Variants in CSMD2 observed in about 807,000 individuals in gnomAD.
CSMD2 encodes CUB and sushi domain-containing protein 2.
CSMD2 carries 130 observed loss-of-function variants against 398.5 expected under a neutral mutation model. The ratio of observed to expected loss-of-function variants is 0.33; its 90% CI spans 0.28 to 0.38. The LOEUF is 0.38. CSMD2 is among the 10% of genes least tolerant of loss of function. CSMD2 has a pLI of 1.00. For synonymous variants in CSMD2, 1,828 were observed against 1,908.5 expected (o/e 0.96, Z 1.10); for missense variants, 3,829 against 4,764.9 (o/e 0.80, Z 5.78).
chr1:33,968,978 C>A (rs527444433), intron 3 of CSMD2, among the ~76,000 whole-genome samples: 127 of 152,314 alleles, frequency 8.3e-4, no homozygotes, highest in African/African-American at 3.0e-3. Flanking sequence ...AGTCACATGT[C>A]CCCCTTGGCA....
intron 25 of CSMD2, among the ~76,000 whole-genome samples, chr1:33,664,908 A>G (rs1336405477): frequency 6.6e-6 from 1 of 152,180 alleles, no homozygotes; most frequent in East Asian, 1.9e-4. Context: ...TTATATTCGC[A>G]CTAATCAGTA....
chr1:34,142,289 A>G (rs1639372072), intron 1 of CSMD2, among the ~76,000 whole-genome samples: 4 of 152,124 alleles, frequency 2.6e-5, no homozygotes, highest in Admixed American at 2.0e-4. Flanking sequence ...ACACTCATCC[A>G]GAGATGAACG....
chr1:33,979,133 G>A (rs1391822691), intron 3 of CSMD2, among the ~76,000 whole-genome samples: 2 of 152,118 alleles, frequency 1.3e-5, no homozygotes, highest in Non-Finnish European at 2.9e-5. Flanking sequence ...CTCACCTGCT[G>A]GTTTACTTTG....
intron 10 of CSMD2, among the ~76,000 whole-genome samples, chr1:33,807,005 T>C (rs1570045349): frequency 6.6e-6 from 1 of 151,200 alleles, no homozygotes; most frequent in East Asian, 1.9e-4. Flanking sequence ...TTCAAGAAAC[T>C]TAATTAAACA....
rs184749644 is a variant in CSMD2, at chr1:33,835,996, A to T, written c.1034-10222T>A. Among the ~76,000 whole-genome samples the T allele has an allele frequency of 5.6e-3, 849 of 152,248 alleles. 7 individuals carry two copies. Among genetic ancestry groups the T allele is most frequent in the South Asian group, 0.038 (183 of 4,818 alleles). ...GTTTTTTCCCCATCTTTGTGGTTTT[A>T]TCTACCTTTGGTCTTTGATGATGGT... On this transcript the variant is annotated intron_variant, in intron 6 of 70. Coordinates refer to ENST00000373381, the MANE Select transcript of CSMD2 (RefSeq NM_001281956.2).
intron 24 of CSMD2, among the ~76,000 whole-genome samples, chr1:33,697,857 C>T (rs1407171675): frequency 6.6e-6 from 1 of 152,242 alleles, no homozygotes; most frequent in African/African-American, 2.4e-5. Context: ...TCCACAAATA[C>T]CCAGACATAC....
At chr1:33,634,899 C>A (rs946150128) in intron 31 of CSMD2, among the ~76,000 whole-genome samples, 6 of 152,124 alleles carry the variant, frequency 3.9e-5, no homozygotes, top group African/African-American at 1.4e-4. Context: ...ATCTGCGGCA[C>A]CTCCCTTAGG....
chr1:34,000,115 C>G (rs1409472712), intron 3 of CSMD2, among the ~76,000 whole-genome samples: 1 of 152,040 alleles, frequency 6.6e-6, no homozygotes, highest in African/African-American at 2.4e-5. Flanking sequence ...AAACGTGAAT[C>G]TAAACAAGAA....
chr1:33,907,195 T>C (rs958787811), intron 5 of CSMD2, among the ~76,000 whole-genome samples: 12 of 149,360 alleles, frequency 8.0e-5, no homozygotes, highest in Non-Finnish European at 1.8e-4. Flanking sequence ...CTCGGCTCAC[T>C]GCAAACTCTG....
rs114104889 is a variant in CSMD2 at position 33,807,555 on chromosome 1, T to G, written c.1446+3188A>C. On this transcript the variant is annotated intron_variant, in intron 10 of 70. Coordinates refer to ENST00000373381, the MANE Select transcript of CSMD2 (RefSeq NM_001281956.2). ...GGTAAACAAATAAGTGGTCAATATA[T>G]GAGTAAACCTAAGTGGACAGTGGCT... Among the ~76,000 whole-genome samples the G allele has an allele frequency of 7.1e-3, 1,074 of 152,256 alleles. 14 individuals carry two copies. The highest frequency in any genetic ancestry group is 0.025 in the African/African-American group (1,036 of 41,554).
intron 32 of CSMD2, among the ~76,000 whole-genome samples, chr1:33,627,570 A>T (rs1328782555): frequency 6.6e-6 from 1 of 152,146 alleles, no homozygotes; most frequent in African/African-American, 2.4e-5. Context: ...CCCACAACGG[A>T]ACTACTGGGA....
chr1:34,010,224 A>G (rs1424377187), intron 3 of CSMD2, among the ~76,000 whole-genome samples: 2 of 152,046 alleles, frequency 1.3e-5, no homozygotes, highest in Non-Finnish European at 2.9e-5. Flanking sequence ...TCTGTCTGGA[A>G]TCCCTTCCTC....
chr1:33,847,524 GC>G (rs1457108264), intron 5 of CSMD2, among the ~76,000 whole-genome samples: 1 of 151,884 alleles, frequency 6.6e-6, no homozygotes, highest in Non-Finnish European at 1.5e-5. Context: ...AGTAATACCA[GC>G]CCTAAGAGTT....
chr1:33,804,155 C>T (rs1557920893), intron 10 of CSMD2, among the ~76,000 whole-genome samples: 1 of 152,202 alleles, frequency 6.6e-6, no homozygotes, highest in South Asian at 2.1e-4. Flanking sequence ...GACAGCTTAG[C>T]TTAGAGCTTG....
chr1:33,712,472 C>T (rs867118481), intron 21 of CSMD2, among the ~76,000 whole-genome samples: 3 of 152,232 alleles, frequency 2.0e-5, no homozygotes, highest in Admixed American at 6.5e-5. Flanking sequence ...CCTGAGATGC[C>T]TCCAGCCTGA....
At chr1:34,133,708 T>G (rs1003580637) in intron 1 of CSMD2, among the ~76,000 whole-genome samples, 2 of 152,056 alleles carry the variant, frequency 1.3e-5, no homozygotes, top group Non-Finnish European at 2.9e-5. Context: ...ATCCCTTGTG[T>G]TCCTTTCCCA....
In CSMD2 at chr1:33,825,660, A is replaced by T. The variant is rs370911373; in HGVS notation, c.1111+37T>A. 5.0e-6 allele frequency: 8 copies of T among 1,596,836 alleles called. No homozygotes were observed. In the African/African-American group the frequency reaches 6.7e-5, roughly 13 times the overall value. On this transcript the variant is annotated intron_variant, in intron 7 of 70. Coordinates refer to ENST00000373381, the MANE Select transcript of CSMD2 (RefSeq NM_001281956.2). ...GTGCCTGCACGTGTGACCTCAAGCA[A>T]GAGGCCCGGCAGGCGGGCTGGCGGG... is the stretch of plus-strand genomic sequence containing the variant.
intron 2 of CSMD2, among the ~76,000 whole-genome samples, chr1:34,038,597 T>C (rs1449723239): frequency 6.6e-6 from 1 of 152,158 alleles, no homozygotes; most frequent in Non-Finnish European, 1.5e-5. Flanking sequence ...CCTCCCACTG[T>C]TCTTAGGATT....
intron 3 of CSMD2, among the ~76,000 whole-genome samples, chr1:33,968,999 A>T (rs1645657303): frequency 6.6e-6 from 1 of 152,204 alleles, no homozygotes; most frequent in South Asian, 2.1e-4. Flanking sequence ...TGTTCTGGAC[A>T]CATCCTGTCT....
Sources: gnomAD v4.1 joint callset for allele counts (sites outside exome capture counted in the v4.1 genomes callset) on GRCh38, gnomAD v4.1.1 for gene constraint, MANE v1.5 for transcripts, NCBI Gene and HGNC (gene_info 2026-07-23, HGNC 2026-07-21) for gene names.